Variants in ZNF484 observed in about 807,000 individuals in gnomAD.
ZNF484 encodes the protein zinc finger protein 484, also known as KRAB box containing C2H2 type zinc finger bA526D8.4.
A neutral mutation model predicts 12.9 loss-of-function variants in ZNF484; 11 were observed. The ratio of observed to expected loss-of-function variants is 0.85; its 90% confidence interval spans 0.54 to 1.41. The LOEUF (loss-of-function observed/expected upper bound fraction) is 1.41. ZNF484 is among the 40% of genes most tolerant of loss of function. The pLI is 0.00. For synonymous variants in ZNF484, 289 were observed against 334.1 expected (o/e 0.86, Z 1.47); for missense variants, 807 against 1,007.7 (o/e 0.80, Z 2.70).
At chr9:92,851,453 G>A (rs1856074906) in intron 4 of ZNF484, among the ~76,000 whole-genome samples, 1 of 152,220 alleles carries the variant, frequency 6.6e-6, no homozygotes, top group Non-Finnish European at 1.5e-5. Flanking sequence ...TTGATGTATT[G>A]TCTATAGCTG....
intron 2 of ZNF484, among the ~76,000 whole-genome samples, chr9:92,857,405 G>C (rs1856529347): frequency 6.6e-6 from 1 of 152,172 alleles, no homozygotes; most frequent in Admixed American, 6.5e-5. Context: ...GGGTGACAGA[G>C]AAACCAACAT....
At chr9:92,852,903 A>G (rs796487553) in intron 4 of ZNF484, among the ~76,000 whole-genome samples, 7 of 152,370 alleles carry the variant, frequency 4.6e-5, no homozygotes, top group South Asian at 2.1e-4. Flanking sequence ...ATGAAAAGGG[A>G]GAATTAAAGA....
At chr9:92,853,010 G>A (rs1856204390) in intron 4 of ZNF484, among the ~76,000 whole-genome samples, 1 of 152,214 alleles carries the variant, frequency 6.6e-6, no homozygotes, top group Non-Finnish European at 1.5e-5. Flanking sequence ...CAAACCTACT[G>A]AGAGGAGAAT....
At chr9:92,849,865 G>A (rs1335620812) in intron 4 of ZNF484, among the ~76,000 whole-genome samples, 1 of 151,574 alleles carries the variant, frequency 6.6e-6, no homozygotes, top group Non-Finnish European at 1.5e-5. Flanking sequence ...GTAATGGCAT[G>A]ATCAGAGCTC....
intron 2 of ZNF484, among the ~76,000 whole-genome samples, chr9:92,874,710 A>G (rs891387023): frequency 6.6e-6 from 1 of 152,202 alleles, no homozygotes; most frequent in Non-Finnish European, 1.5e-5. Flanking sequence ...GAACCATGAC[A>G]TCTTTACTAC....
chr9:92,860,864 T>G (rs1166120072), intron 2 of ZNF484, among the ~76,000 whole-genome samples: 1 of 152,162 alleles, frequency 6.6e-6, no homozygotes, highest in Non-Finnish European at 1.5e-5. Context: ...AAGAAGTAGC[T>G]ACCTTCTTCC....
intron 2 of ZNF484, among the ~76,000 whole-genome samples, chr9:92,859,546 C>T (rs1856660365): frequency 6.6e-6 from 1 of 152,114 alleles, no homozygotes; most frequent in African/African-American, 2.4e-5. Flanking sequence ...ATTTTCCAGC[C>T]AAATAATTTG....
chr9:92,854,405 C>T (rs1856303934), intron 4 of ZNF484, among the ~76,000 whole-genome samples: 1 of 152,108 alleles, frequency 6.6e-6, no homozygotes, highest in African/African-American at 2.4e-5. Context: ...AAAGCAATCC[C>T]ACTCCTCTTC....
At position 92,847,278 on chromosome 9, in the gene ZNF484, C is replaced by G. The variant is rs368921320; in HGVS notation, c.1509G>C (p.Lys503Asn). ...ERPYICTVCG[K>N]AFTDRSNLIK... ...TGAGATTTGACCTGTCAGTAAAGGC[C>G]TTACCACACACAGTACATATATAGG... Residue 503 changes from lysine to asparagine, a missense_variant, in exon 5 of 5, where the codon AAG (lysine) becomes AAC (asparagine). Transcript: ENST00000375495. 7 of 1,613,866 alleles carry G rather than the reference C, an allele frequency of 4.3e-6. No individual in the cohort carries two copies. Among genetic ancestry groups the G allele is most frequent in the Non-Finnish European group, 5.9e-6 (7 of 1,179,998 alleles).
chr9:92,855,214 TAGAA>T (rs992476171), intron 4 of ZNF484, among the ~76,000 whole-genome samples: 2 of 151,972 alleles, frequency 1.3e-5, no homozygotes, highest in African/African-American at 4.8e-5. Flanking sequence ...ATAAATAAAT[TAGAA>T]AGATCAAGTC....
chr9:92,876,250 G>A (rs1311287877), intron 1 of ZNF484, among the ~76,000 whole-genome samples: 2 of 151,944 alleles, frequency 1.3e-5, no homozygotes, highest in African/African-American at 4.8e-5. Context: ...AGAAAAAATG[G>A]GGTGCAGAAT....
chr9:92,846,335 G>A lies in ZNF484; in HGVS notation c.2452C>T (p.Gln818Ter), dbSNP rs143854626. 6.2e-7 allele frequency: 1 copy of A among 1,614,170 alleles called. No individual in the cohort carries two copies. Among genetic ancestry groups the A allele is most frequent in the South Asian group, 1.1e-5 (1 of 91,084 alleles). ...TCAGATTTCTGAGGCATACTGAGTT[G>A]TGGCTTCCAGTTTAAGGCTTTCCCC... ...DLGKALNWKP[Q>*]LSMPQKSDNG... Residue 818 changes from glutamine to a stop codon, truncating the protein, a stop_gained, in exon 5 of 5, where the codon CAA becomes TAA. Coordinates refer to ENST00000375495, the MANE Select transcript of ZNF484 (RefSeq NM_031486.4). LOFTEE classifies it low-confidence loss of function (END_TRUNC).
intron 2 of ZNF484, among the ~76,000 whole-genome samples, chr9:92,860,745 C>A (rs1379342204): frequency 6.6e-6 from 1 of 152,084 alleles, no homozygotes; most frequent in African/African-American, 2.4e-5. Context: ...TCTCAATCAT[C>A]CCAACTGCAT....
chr9:92,872,600 T>C (rs548193094), intron 2 of ZNF484, among the ~76,000 whole-genome samples: 3 of 151,126 alleles, frequency 2.0e-5, no homozygotes, highest in African/African-American at 4.9e-5. Flanking sequence ...GGCTTTGAAG[T>C]TGGAGGAAAG....
intron 2 of ZNF484, among the ~76,000 whole-genome samples, chr9:92,856,553 C>T (rs189163245): frequency 6.6e-6 from 1 of 152,178 alleles, no homozygotes; most frequent in East Asian, 1.9e-4. Context: ...GGAAGATATA[C>T]AAATATTTAA....
chr9:92,849,479 T>C (rs1394963186), intron 4 of ZNF484, among the ~76,000 whole-genome samples: 1 of 151,892 alleles, frequency 6.6e-6, no homozygotes, highest in African/African-American at 2.4e-5. Context: ...CTAAGTTCTA[T>C]ATTAATTCAC....
rs142712699 is a variant in ZNF484, at chr9:92,848,471, A to G, written c.316T>C (p.Phe106Leu). The change falls in exon 5 of 5, where the codon TTC becomes CTC. Residue 106 changes from phenylalanine to leucine, a missense_variant. By Grantham distance (22) the Phe-to-Leu change is conservative (BLOSUM62 0). Transcript: ENST00000375495. The surrounding 1 kb of genome is among the most constrained non-coding windows in gnomAD (Gnocchi z 4.1). ...ATGGAATATGGGTCATCTCTTGTGAAGAGATTAATATTAATCTCAGACTGG... is the reference window on the plus strand; with the variant it reads ...ATGGAATATGGGTCATCTCTTGTGAGGAGATTAATATTAATCTCAGACTGG... The part of the protein sequence containing the change: ...SFQSEININL[F>L]TRDDPYSILE... 1.2e-6 allele frequency: 2 copies of G among 1,613,810 alleles called. No individual in the cohort carries two copies. The highest frequency in any genetic ancestry group is 1.1e-5 in the South Asian group (1 of 91,028).
Position 92,848,270 on chromosome 9 carries a change from T to C in ZNF484, c.517A>G (p.Lys173Glu). 1 of 1,614,156 alleles carries C rather than the reference T, an allele frequency of 6.2e-7. No individual in the cohort carries two copies. The highest frequency in any genetic ancestry group is 8.5e-7 in the Non-Finnish European group (1 of 1,180,032). The change falls in exon 5 of 5, where the codon AAA (lysine) becomes GAA (glutamate). Residue 173 changes from lysine (K) to glutamate (E), a missense_variant. Physicochemically the swap from Lys to Glu is moderately conservative, Grantham distance 56. Transcript: ENST00000375495. The surrounding 1 kb of genome is among the most constrained non-coding windows in gnomAD (Gnocchi z 4.1). ...CACGAGTTACAGTTATGGGGTCTTT[T>C]TCTTGAGGAAACCAGGTGTGTGTTT... Reference protein sequence around the residue: ...HVNTHLVSSRKRPHNCNSCGK... With the variant: ...HVNTHLVSSRERPHNCNSCGK...
Position 92,847,618 on chromosome 9 carries a change from C to T in ZNF484, c.1169G>A (p.Gly390Glu), listed in dbSNP as rs1310255499. 7 of 1,613,938 alleles carry T rather than the reference C, an allele frequency of 4.3e-6. No homozygotes were observed. In the African/African-American group the frequency reaches 8.0e-5, roughly 18 times the overall value. Residue 390 changes from glycine to glutamate, a missense_variant, in exon 5 of 5, where the codon GGA becomes GAA. Transcript: ENST00000375495. The part of the protein sequence containing the change: ...GGKHFECTEC[G>E]KAFTRKSTLS... ...TGTTGATTTCCTTGTGAAAGCTTTT[C>T]CACATTCAGTACATTCAAAGTGTTT...
Sources: gnomAD v4.1 joint callset for allele counts (sites outside exome capture counted in the v4.1 genomes callset) on GRCh38, gnomAD v4.1.1 for gene constraint, Gnocchi (gnomAD v3.1) non-coding constraint, MANE v1.5 for transcripts, NCBI Gene and HGNC (gene_info 2026-07-23, HGNC 2026-07-21) for gene names.